RTEL1: variants seen among roughly 807,000 people sequenced by gnomAD.
RTEL1 encodes regulator of telomere elongation helicase 1, also known as regulator of telomere length.
RTEL1 carries 86 observed loss-of-function variants against 162.2 expected under a neutral mutation model. The ratio of observed to expected loss-of-function variants is 0.53; its 90% CI spans 0.45 to 0.63. The LOEUF is 0.63. Among genes scored for constraint, RTEL1 ranks in the 30% least tolerant of loss-of-function variants. The pLI, the probability that RTEL1 is intolerant of heterozygous loss-of-function variation, is 0.00. For synonymous variants in RTEL1, 958 were observed against 717.9 expected (o/e 1.33, Z -5.35); for missense variants, 1,941 against 1,750.2 (o/e 1.11, Z -1.95).
In RTEL1 at chr20:63,690,413, T is replaced by C. The variant is rs770647834; in HGVS notation, c.2385T>C (p.His795=). Residue 795 remains histidine, a synonymous_variant, in exon 26 of 35, where the codon CAT becomes CAC. Transcript: ENST00000360203. The part of the protein sequence containing the change: ...STRKAKSLDL[H]VPSLKQRSSG... ...GGAAAGCTAAGAGTCTGGACCTGCATGTCCCCAGCCTGAAGCAGAGGTCCT... is the reference window on the plus strand; with the variant it reads ...GGAAAGCTAAGAGTCTGGACCTGCACGTCCCCAGCCTGAAGCAGAGGTCCT... The C allele has an allele frequency of 4.4e-6, 7 of 1,582,252 alleles. No homozygotes were observed. The highest frequency in any genetic ancestry group is 4.7e-5 in the East Asian group (2 of 42,464).
chr20:63,689,208 C>T, intron 22 of RTEL1, 76 bp downstream of exon 22: 1 of 1,416,040 alleles, frequency 7.1e-7, no homozygotes, highest in Non-Finnish European at 9.8e-7. Flanking sequence ...CCAGCAGACT[C>T]TGGGCCCTGG....
chr20:63,693,673 C>G (rs1305256633), intron 30 of RTEL1, among the ~76,000 whole-genome samples: 7 of 104,184 alleles, frequency 6.7e-5, no homozygotes, highest in Non-Finnish European at 1.2e-4. Flanking sequence ...TCCACCACCA[C>G]CACCACCACC....
At position 63,659,347 on chromosome 20, in the gene RTEL1, G is replaced by C; in HGVS notation, c.-56G>C. 7.4e-7 allele frequency: 1 copy of C among 1,348,366 alleles called. No homozygotes were observed. The highest frequency in any genetic ancestry group is 1.2e-5 in the South Asian group (1 of 84,974). 83.5% of individuals were successfully genotyped at this position (1,348,366 alleles called of 1,614,324 possible). A position where few individuals can be genotyped will look rare whatever the true frequency, so the allele number is the denominator to read the frequency against. ...ATGTTCGGAGTGGTTTTTTCGCACA[G>C]ACCCGAATAGCCTGCCCCTCAGCCA... On this transcript the variant is annotated 5_prime_UTR_variant, in exon 2 of 35. Transcript: ENST00000360203.
At chr20:63,689,995 G>A in intron 24 of RTEL1, 92 bp from the exon 25 acceptor site, 2 of 1,566,372 alleles carry the variant, frequency 1.3e-6, no homozygotes, top group Non-Finnish European at 1.7e-6. Context: ...GGTCAGCGTG[G>A]GGCCCCTGCA....
At chr20:63,690,477 GTGGCGGAGC>G in intron 26 of RTEL1, 36 bp downstream of exon 26, 5 of 1,509,512 alleles carry the variant, frequency 3.3e-6, no homozygotes, top group Non-Finnish European at 4.4e-6. Flanking sequence ...CGGTGTGGGG[GTGGCGGAGC>G]GGGCGGCGTG....
intron 10 of RTEL1, among the ~76,000 whole-genome samples, chr20:63,676,418 A>G (rs983327463): frequency 2.0e-5 from 3 of 152,162 alleles, no homozygotes; most frequent in Non-Finnish European, 4.4e-5. Flanking sequence ...CGGGCTCCAG[A>G]TGGGACGTCC....
At chr20:63,660,515 A>G (rs1447720857) in intron 2 of RTEL1, among the ~76,000 whole-genome samples, 1 of 152,204 alleles carries the variant, frequency 6.6e-6, no homozygotes, top group Non-Finnish European at 1.5e-5. Context: ...CCTTGATTCC[A>G]TACAACACAT....
intron 2 of RTEL1, chr20:63,660,603 TC>T (rs1288805717): frequency 6.6e-6 from 1 of 152,594 alleles, no homozygotes; most frequent in African/African-American, 2.4e-5. Context: ...AGGGTACAGG[TC>T]AAAATGGAGT....
intron 30 of RTEL1, among the ~76,000 whole-genome samples, 191 bp downstream of exon 30, chr20:63,693,474 T>TCCACCA (rs1568720089): frequency 5.8e-4 from 5 of 8,562 alleles, no homozygotes; most frequent in African/African-American, 1.1e-3. Flanking sequence ...CACCTCCACC[T>TCCACCA]CCACCTCCAC....
intron 14 of RTEL1, chr20:63,680,990 G>C (rs1205280815): frequency 4.1e-6 from 4 of 985,394 alleles, no homozygotes; most frequent in Non-Finnish European, 4.8e-6. Flanking sequence ...CCGGGGAGCC[G>C]CTCCTGCCCT....
rs1187843922 is a variant in RTEL1 at position 63,660,151 on chromosome 20, GT to G, written c.102+651del. ...CAGAATTGAACAAATGTACAATCGG[GT>G]TTTATACCGAAACATTCAGTTCCCA... On this transcript the variant is annotated intron_variant, in intron 2 of 34. Transcript: ENST00000360203. Among the ~76,000 whole-genome samples, 16 of 152,344 alleles carry G rather than the reference GT, an allele frequency of 1.1e-4. No homozygotes were observed. The East Asian group carries it at 2.3e-3, about 22-fold the overall frequency.
chr20:63,661,204 C>A lies in RTEL1; in HGVS notation c.103-94C>A. On this transcript the variant is annotated intron_variant, in intron 2 of 34. Transcript: ENST00000360203. The surrounding 1 kb of genome is among the most constrained non-coding windows in gnomAD (Gnocchi z 5.1). ...CAGTGGCCTCTGCATCTGCAAAGAGCTGCCCGCTGGCTGCCGAAGCTTGTC... is the reference window on the plus strand; with the variant it reads ...CAGTGGCCTCTGCATCTGCAAAGAGATGCCCGCTGGCTGCCGAAGCTTGTC... 8.4e-7 allele frequency: 1 copy of A among 1,187,748 alleles called. No homozygotes were observed. The highest frequency in any genetic ancestry group is 1.5e-5 in the African/African-American group (1 of 66,354). 73.6% of individuals were successfully genotyped at this position (1,187,748 alleles called of 1,614,324 possible). A position where few individuals can be genotyped will look rare whatever the true frequency, so the allele number is the denominator to read the frequency against.
At position 63,658,450 on chromosome 20, in the gene RTEL1, G is replaced by T. The variant is rs1453303075; in HGVS notation, c.-187G>T. ...GGACCCCGGTTCTGGAAGGTTCGCC[G>T]CGGAGACAAGTGAGCAGTGAGTCGC... On this transcript the variant is annotated 5_prime_UTR_variant, in exon 1 of 35. Transcript: ENST00000360203. 1.3e-5 allele frequency: 2 copies of T among 152,446 alleles called. No homozygotes were observed. Among genetic ancestry groups the T allele is most frequent in the African/African-American group, 4.8e-5 (2 of 41,474 alleles). 9.4% of individuals were successfully genotyped at this position (152,446 alleles called of 1,614,324 possible).
At chr20:63,688,251 A>G (rs2777941) in intron 19 of RTEL1, 50 bp from the exon 20 acceptor site, 25 of 1,608,970 alleles carry the variant, frequency 1.6e-5, no homozygotes, top group East Asian at 2.2e-5. Context: ...CTGGTAGGGA[A>G]CCCTGCAGAC....
intron 7 of RTEL1, 87 bp downstream of exon 7, chr20:63,666,166 C>G (rs904624194): frequency 9.5e-7 from 1 of 1,054,794 alleles, no homozygotes; most frequent in South Asian, 1.4e-5. Flanking sequence ...TATTTCTTCA[C>G]TTTTCTTTGT....
intron 4 of RTEL1, chr20:63,662,290 C>G (rs80210377): frequency 1.5e-6 from 1 of 683,460 alleles, no homozygotes; most frequent in Non-Finnish European, 2.6e-6. Context: ...CAGAGCCCAG[C>G]AGAGTCTTGG....
At chr20:63,688,103 G>A (rs2090637677) in intron 18 of RTEL1, 36 bp from the exon 19 acceptor site, 2 of 1,612,128 alleles carry the variant, frequency 1.2e-6, no homozygotes, top group Admixed American at 1.7e-5. Flanking sequence ...GAGCACTGAG[G>A]CCTGAGGTCC....
rs556252022 is a variant in RTEL1, at chr20:63,677,335, G to A, written c.920-810G>A. On this transcript the variant is annotated intron_variant, in intron 10 of 34. Transcript: ENST00000360203. ...TGTTAATTCTAAAGGTCAAACACCC[G>A]GCCAGGCATAAGGGCTCAGCGGTAA... is the stretch of plus-strand genomic sequence containing the variant. Among the ~76,000 whole-genome samples the A allele has an allele frequency of 5.9e-5, 9 of 152,272 alleles. 1 individual carries two copies. Among genetic ancestry groups the A allele is most frequent in the Admixed American group, 2.0e-4 (3 of 15,292 alleles).
chr20:63,690,018 C>T (rs1314041609), intron 24 of RTEL1, 69 bp from the exon 25 acceptor site: 1 of 1,578,622 alleles, frequency 6.3e-7, no homozygotes, highest in African/African-American at 1.3e-5. Flanking sequence ...AGATGAGGGT[C>T]TTCACTTCGG....
Sources: gnomAD v4.1 joint callset for allele counts (sites outside exome capture counted in the v4.1 genomes callset) on GRCh38, gnomAD v4.1.1 for gene constraint, Gnocchi (gnomAD v3.1) non-coding constraint, MANE v1.5 for transcripts, NCBI Gene and HGNC (gene_info 2026-07-23, HGNC 2026-07-21) for gene names.